The following RBM20 variants were observed in gnomAD, a reference collection of about 807,000 sequenced individuals.
RBM20 encodes RNA binding motif protein 20, also known as RNA-binding protein 20.
RBM20 carries 51 observed loss-of-function variants against 110.1 expected under a neutral mutation model. That is an observed-to-expected ratio of 0.46 (90% CI 0.37 to 0.59). The LOEUF is 0.59. Ranked by LOEUF, RBM20 falls within the 20% of genes least tolerant of loss-of-function variation. The pLI is 0.00. For missense variants in RBM20, 1,512 were observed against 1,574.9 expected, an observed-to-expected ratio of 0.96 and a Z score of 0.68; for synonymous variants, 589 against 618.2, an observed-to-expected ratio of 0.95 and a Z score of 0.70.
At chr10:110,777,433 GT>G (rs891405811) in intron 1 of RBM20, among the ~76,000 whole-genome samples, 91 of 152,286 alleles carry the variant, frequency 6.0e-4, no homozygotes, top group Admixed American at 2.2e-3. Flanking sequence ...AGTATGATGT[GT>G]TTTTTCTTCT....
chr10:110,809,196 G>A (rs1653729024), intron 7 of RBM20, among the ~76,000 whole-genome samples: 2 of 50,774 alleles, frequency 3.9e-5, no homozygotes, highest in East Asian at 9.9e-4. Context: ...CAGCCTGAGT[G>A]ACAGAGCAAG....
At chr10:110,834,830 G>A (rs1209630481) in intron 13 of RBM20, among the ~76,000 whole-genome samples, 1 of 152,144 alleles carries the variant, frequency 6.6e-6, no homozygotes, top group Non-Finnish European at 1.5e-5. Flanking sequence ...CCCAGCTGGG[G>A]CCTCAAACCT....
At chr10:110,772,258 G>A (rs1171439091) in intron 1 of RBM20, among the ~76,000 whole-genome samples, 1 of 152,176 alleles carries the variant, frequency 6.6e-6, no homozygotes, top group Non-Finnish European at 1.5e-5. Flanking sequence ...AGTATTTTTG[G>A]TATTTCATTT....
intron 1 of RBM20, among the ~76,000 whole-genome samples, chr10:110,654,394 T>C (rs12413146): frequency 0.18 from 27,264 of 152,168 alleles, 3,399 homozygotes; most frequent in African/African-American, 0.34. Flanking sequence ...TAAGAGACAT[T>C]CCATCTCTTG....
chr10:110,655,050 T>C (rs1211332561), intron 1 of RBM20, among the ~76,000 whole-genome samples: 1 of 152,180 alleles, frequency 6.6e-6, no homozygotes, highest in East Asian at 1.9e-4. Context: ...ATAGTATTTA[T>C]GAAAACATGG....
chr10:110,675,684 C>T (rs1274393185), intron 1 of RBM20, among the ~76,000 whole-genome samples: 2 of 152,164 alleles, frequency 1.3e-5, no homozygotes, highest in Non-Finnish European at 2.9e-5. Flanking sequence ...AACATAGTCC[C>T]CCTCAAGTTC....
At chr10:110,744,791 G>A (rs920218330) in intron 1 of RBM20, among the ~76,000 whole-genome samples, 2 of 152,244 alleles carry the variant, frequency 1.3e-5, no homozygotes, top group Non-Finnish European at 1.5e-5. Flanking sequence ...GAAATCTGCT[G>A]ATATGAAGAC....
In RBM20 at chr10:110,716,872, G is replaced by A. The variant is rs150151070; in HGVS notation, c.192-63929G>A. On this transcript the variant is annotated intron_variant, in intron 1 of 13. Coordinates refer to ENST00000369519, the MANE Select transcript of RBM20 (RefSeq NM_001134363.3). ...GTGGAGCTTGCAGTGAGCCGAGATCGTGCCCCTGCACTCCCGCCTCAGTGA... is the reference window on the plus strand; with the variant it reads ...GTGGAGCTTGCAGTGAGCCGAGATCATGCCCCTGCACTCCCGCCTCAGTGA... Among the ~76,000 whole-genome samples the A allele has an allele frequency of 3.9e-3, 580 of 149,942 alleles. 4 individuals are homozygous for A. Among genetic ancestry groups the A allele is most frequent in the African/African-American group, 0.013 (541 of 40,660 alleles).
At chr10:110,663,022 T>C in intron 1 of RBM20, among the ~76,000 whole-genome samples, 1 of 152,130 alleles carries the variant, frequency 6.6e-6, no homozygotes, top group Non-Finnish European at 1.5e-5. Flanking sequence ...TGGAGTTCAA[T>C]GGCACGATTT....
intron 1 of RBM20, among the ~76,000 whole-genome samples, chr10:110,716,377 GC>G (rs1043641879): frequency 2.0e-5 from 3 of 152,220 alleles, no homozygotes; most frequent in Non-Finnish European, 2.9e-5. Context: ...CTATATGGAG[GC>G]CCATTGACCA....
chr10:110,835,966 GA>G lies in RBM20; in HGVS notation c.3677del (p.Lys1226SerfsTer22). ...DSGIVPRFER[K>X]KL ...GCGGAATCGTGCCACGCTTCGAAAG[GA>G]AAAAGCTCTGATGCTTCTGCTTCTG... On this transcript the variant is annotated frameshift_variant, in exon 14 of 14. Coordinates refer to ENST00000369519, the MANE Select transcript of RBM20 (RefSeq NM_001134363.3). LOFTEE classifies it high-confidence loss of function. The G allele has an allele frequency of 8.2e-7, 1 of 1,213,742 alleles. No individual in the cohort carries two copies. Among genetic ancestry groups the G allele is most frequent in the Non-Finnish European group, 1.2e-6 (1 of 849,412 alleles). The allele number at this position is 1,213,742 out of a possible 1,614,324, so 75.2% of individuals were successfully genotyped here.
At chr10:110,684,853 C>T (rs751678927) in intron 1 of RBM20, among the ~76,000 whole-genome samples, 2 of 152,114 alleles carry the variant, frequency 1.3e-5, no homozygotes, top group Non-Finnish European at 2.9e-5. Flanking sequence ...CAGATGTAGA[C>T]CTCTTGAAGC....
chr10:110,823,708 T>C (rs1844947074), intron 12 of RBM20, 94 bp downstream of exon 12: 1 of 1,347,614 alleles, frequency 7.4e-7, no homozygotes, highest in Non-Finnish European at 1.0e-6. Context: ...TTTGGCATTT[T>C]GTTGTTGACA....
intron 1 of RBM20, among the ~76,000 whole-genome samples, chr10:110,665,285 A>G (rs962040293): frequency 6.6e-6 from 1 of 152,216 alleles, no homozygotes; most frequent in Non-Finnish European, 1.5e-5. Context: ...GTTAATGGCT[A>G]CTAAGCTGTT....
chr10:110,806,566 C>T (rs989293150), intron 7 of RBM20, among the ~76,000 whole-genome samples: 3 of 152,154 alleles, frequency 2.0e-5, no homozygotes, highest in Non-Finnish European at 2.9e-5. Context: ...ATCCAGTCAC[C>T]TCCCACCAGG....
Position 110,837,496 on chromosome 10 carries a change from TA to T in RBM20, c.*1519del, listed in dbSNP as rs1372554137. 2 of 152,222 alleles carry T rather than the reference TA, an allele frequency of 1.3e-5. No individual in the cohort carries two copies. The highest frequency in any genetic ancestry group is 2.9e-5 in the Non-Finnish European group (2 of 68,056). 9.4% of individuals were successfully genotyped at this position (152,222 alleles called of 1,614,324 possible). Reference sequence around the variant, plus strand: ...ACAAGGAAGACAGGTCACTCTCCCCTAGGCAGTTCCTGTTGTTTCTGTTCCT... The same window carrying T: ...ACAAGGAAGACAGGTCACTCTCCCCTGGCAGTTCCTGTTGTTTCTGTTCCT... On this transcript the variant is annotated 3_prime_UTR_variant, in exon 14 of 14. Coordinates refer to ENST00000369519, the MANE Select transcript of RBM20 (RefSeq NM_001134363.3).
intron 9 of RBM20, among the ~76,000 whole-genome samples, chr10:110,819,295 A>T (rs1010908622): frequency 2.0e-5 from 3 of 152,230 alleles, no homozygotes; most frequent in African/African-American, 4.8e-5. Flanking sequence ...AAAATTGAGG[A>T]TTTTATGTAG....
chr10:110,737,193 A>AAAAAAAAAAAAAAAAAAAAAAAAAC (rs796374212), intron 1 of RBM20, among the ~76,000 whole-genome samples: 5 of 116,510 alleles, frequency 4.3e-5, no homozygotes, highest in South Asian at 2.6e-4. Flanking sequence ...AAAAAAAAAA[A>AAAAAAAAAAAAAAAAAAAAAAAAAC]AAAACACCCC....
At chr10:110,752,153 C>T (rs975435118) in intron 1 of RBM20, among the ~76,000 whole-genome samples, 9 of 152,204 alleles carry the variant, frequency 5.9e-5, no homozygotes, top group African/African-American at 2.2e-4. Context: ...TTGCACCATA[C>T]AGAATAGTTT....
Sources: gnomAD v4.1 joint callset for allele counts (sites outside exome capture counted in the v4.1 genomes callset) on GRCh38, gnomAD v4.1.1 for gene constraint, MANE v1.5 for transcripts, NCBI Gene and HGNC (gene_info 2026-07-23, HGNC 2026-07-21) for gene names.